PRPF4: variants seen among roughly 807,000 people sequenced by gnomAD.
The protein encoded by PRPF4 is pre-mRNA splicing tri-snRNP complex factor PRPF4, also known as U4/U6 small nuclear ribonucleoprotein Prp4.
A neutral mutation model predicts 72.2 loss-of-function variants in PRPF4; 14 were observed. That is an observed-to-expected ratio of 0.19 (90% confidence interval 0.13 to 0.30). PRPF4 has a LOEUF of 0.30. Ranked by LOEUF, PRPF4 falls within the 10% of genes least tolerant of loss-of-function variation. The pLI is 1.00. For synonymous variants in PRPF4, 225 were observed against 232.2 expected (o/e 0.97, Z 0.28); for missense variants, 478 against 653.9 (o/e 0.73, Z 2.93).
In PRPF4 at chr9:113,290,473, C is replaced by T. The variant is rs1832574801; in HGVS notation, c.1030C>T (p.Arg344Cys). Residue 344 changes from arginine to cysteine, a missense_variant, in exon 11 of 14, where the codon CGT (arginine) becomes TGT (cysteine). Physicochemically the swap from Arg to Cys is radical, Grantham distance 180. Coordinates refer to ENST00000374198, the MANE Select transcript of PRPF4 (RefSeq NM_001244926.2). ...GRFLGTTCYD[R>C]SWRLWDLEAQ... ...AGTGTGATTTGGTTTTAGCTATGACCGTTCATGGCGCTTATGGGATTTGGA... is the reference window on the plus strand; with the variant it reads ...AGTGTGATTTGGTTTTAGCTATGACTGTTCATGGCGCTTATGGGATTTGGA... 4 of 1,614,072 alleles carry T rather than the reference C, an allele frequency of 2.5e-6. No homozygotes were observed. Among genetic ancestry groups the T allele is most frequent in the South Asian group, 1.1e-5 (1 of 91,066 alleles).
At chr9:113,284,850 T>C (rs561094192) in intron 7 of PRPF4, among the ~76,000 whole-genome samples, 7 of 152,344 alleles carry the variant, frequency 4.6e-5, no homozygotes, top group Non-Finnish European at 7.3e-5. Flanking sequence ...TAAACGTTAA[T>C]TATTGGTTTA....
Position 113,286,844 on chromosome 9 carries a change from C to T in PRPF4, c.932+16C>T. On this transcript the variant is annotated intron_variant, in intron 9 of 13. Coordinates refer to ENST00000374198, the MANE Select transcript of PRPF4 (RefSeq NM_001244926.2). ...GTCTCGACAGGTGAATATCACTGTT[C>T]TGTGGCCCATACTGCCATCACTAAA... The T allele has an allele frequency of 1.2e-6, 2 of 1,614,036 alleles. No homozygotes were observed. Among genetic ancestry groups the T allele is most frequent in the East Asian group, 2.2e-5 (1 of 44,876 alleles).
chr9:113,279,175 A>G lies in PRPF4; in HGVS notation c.392+44A>G, dbSNP rs377589303. On this transcript the variant is annotated intron_variant, in intron 3 of 13. Coordinates refer to ENST00000374198, the MANE Select transcript of PRPF4 (RefSeq NM_001244926.2). ...TACTTTTTTTCTTTATTATAATCAC[A>G]GGGTTCTACTCCAAATTTTGGTTGA... 17 of 1,546,256 alleles carry G rather than the reference A, an allele frequency of 1.1e-5. No homozygotes were observed. The African/African-American group carries it at 2.0e-4, about 18-fold the overall frequency.
intron 4 of PRPF4, 107 bp from the exon 5 acceptor site, chr9:113,283,025 C>A (rs1832327609): frequency 1.3e-6 from 2 of 1,553,992 alleles, no homozygotes; most frequent in Non-Finnish European, 1.7e-6. Context: ...CATCCTATTA[C>A]CGAATGAATT....
chr9:113,291,435 C>T (rs1460510083), intron 13 of PRPF4, 32 bp from the exon 14 acceptor site: 3 of 1,565,288 alleles, frequency 1.9e-6, no homozygotes, highest in South Asian at 1.1e-5. Context: ...TACTTGAATT[C>T]CTCAAGCAAT....
intron 7 of PRPF4, among the ~76,000 whole-genome samples, chr9:113,285,562 T>G (rs918403161): frequency 1.2e-4 from 18 of 151,210 alleles, no homozygotes; most frequent in African/African-American, 4.4e-4. Flanking sequence ...GTATTTTTAG[T>G]AGAGACAGGG....
At chr9:113,282,068 A>G (rs1264600021) in intron 3 of PRPF4, among the ~76,000 whole-genome samples, 3 of 152,156 alleles carry the variant, frequency 2.0e-5, no homozygotes, top group African/African-American at 7.2e-5. Flanking sequence ...ATTGACTCTA[A>G]ACTGTATAGA....
chr9:113,282,805 T>C, intron 4 of PRPF4, 72 bp downstream of exon 4: 1 of 1,307,802 alleles, frequency 7.6e-7, no homozygotes, highest in Non-Finnish European at 1.1e-6. Context: ...TTTTCTGCTT[T>C]CAATGGTTTG....
chr9:113,275,953 A>G (rs1444658500), intron 1 of PRPF4, among the ~76,000 whole-genome samples, 183 bp downstream of exon 1: 1 of 152,180 alleles, frequency 6.6e-6, no homozygotes, highest in East Asian at 1.9e-4. Flanking sequence ...GCTTTCGTGG[A>G]CTGTAGCTTA....
chr9:113,284,530 T>C (rs1476486079), intron 7 of PRPF4, 141 bp downstream of exon 7: 3 of 702,604 alleles, frequency 4.3e-6, no homozygotes, highest in Non-Finnish European at 7.3e-6. Context: ...TGTCAGTCAG[T>C]GCTCTACCTG....
rs41296057 is a variant in PRPF4 at position 113,283,400 on chromosome 9, G to A, written c.572G>A (p.Arg191His). 6 of 1,614,128 alleles carry A rather than the reference G, an allele frequency of 3.7e-6. No homozygotes were observed. The Admixed American group carries it at 5.0e-5, about 13-fold the overall frequency. Residue 191 changes from arginine to histidine, a missense_variant, in exon 6 of 14, where the codon CGC (arginine) becomes CAC (histidine). By Grantham distance (29) the Arg-to-His change is conservative. Transcript: ENST00000374198. ...TTTCTGTGTCGCAGGGCAATGAAACGCTTGGAAGAGGCCCGACTCCATAAG... is the reference window on the plus strand; with the variant it reads ...TTTCTGTGTCGCAGGGCAATGAAACACTTGGAAGAGGCCCGACTCCATAAG... ...ANYSLPRAMKRLEEARLHKEI... is the reference protein window; with the variant it reads ...ANYSLPRAMKHLEEARLHKEI...
chr9:113,280,502 C>T (rs1832246537), intron 3 of PRPF4, among the ~76,000 whole-genome samples: 1 of 152,206 alleles, frequency 6.6e-6, no homozygotes, highest in Non-Finnish European at 1.5e-5. Context: ...GCCTAGCCTC[C>T]TTTATAATCC....
rs1447563634 is a variant in PRPF4, at chr9:113,283,155, A to C, written c.504A>C (p.Glu168Asp). ...KEEYQQTWYH[E>D]GPNSLKVARL... is the part of the protein sequence containing the mutation. ...AGTATCAGCAAACCTGGTATCATGA[A>C]GGACCAAATAGCTTGAAGGTGGCAA... The change falls in exon 5 of 14, where the codon GAA (glutamate) becomes GAC (aspartate). Residue 168 changes from glutamate to aspartate, a missense_variant. Physicochemically the swap from Glu to Asp is conservative, Grantham distance 45 (BLOSUM62 2). Transcript: ENST00000374198. The C allele has an allele frequency of 1.9e-6, 3 of 1,614,212 alleles. No individual in the cohort carries two copies. Among genetic ancestry groups the C allele is most frequent in the African/African-American group, 1.3e-5 (1 of 75,050 alleles).
At chr9:113,286,417 T>A in intron 8 of PRPF4, 127 bp downstream of exon 8, 1 of 1,015,938 alleles carries the variant, frequency 9.8e-7, no homozygotes, top group Non-Finnish European at 1.5e-6. Context: ...GACTTGGTTT[T>A]CTCTGGCTGC....
chr9:113,280,057 A>T (rs1018161175), intron 3 of PRPF4, among the ~76,000 whole-genome samples: 2 of 152,004 alleles, frequency 1.3e-5, no homozygotes, highest in Non-Finnish European at 2.9e-5. Context: ...TTTACTCTTC[A>T]ACCTGCTGCA....
rs750373995 is a variant in PRPF4, at chr9:113,290,688, T to C, written c.1146-12T>C. On this transcript the variant is annotated splice_polypyrimidine_tract_variant and intron_variant, in intron 11 of 13. Coordinates refer to ENST00000374198, the MANE Select transcript of PRPF4 (RefSeq NM_001244926.2). ...TGGATTCAAAGTGTTCATTTCTAAA[T>C]TATTTTCTCAGGGGACTGGATGCAT... 1.9e-6 allele frequency: 3 copies of C among 1,614,158 alleles called. No individual in the cohort carries two copies. The highest frequency in any genetic ancestry group is 3.3e-5 in the Admixed American group (2 of 60,020).
chr9:113,285,669 C>T (rs1052686468), intron 7 of PRPF4, among the ~76,000 whole-genome samples: 8 of 151,580 alleles, frequency 5.3e-5, no homozygotes, highest in East Asian at 3.9e-4. Flanking sequence ...TGAGCCACAG[C>T]GCCTGGCCCA....
rs542150813 is a variant in PRPF4 at position 113,276,423 on chromosome 9, C to T, written c.28-125C>T. The T allele has an allele frequency of 1.2e-4, 121 of 1,043,474 alleles. No individual in the cohort carries two copies. In the East Asian group the frequency reaches 3.0e-3, roughly 26 times the overall value. 64.6% of individuals were successfully genotyped at this position (1,043,474 alleles called of 1,614,324 possible). On this transcript the variant is annotated intron_variant, in intron 1 of 13. Transcript: ENST00000374198. Reference sequence around the variant, plus strand: ...AATGAAGAGCGTCTTAAGTAGTGTCCAATTTGTCCTTTCAATTACAGAGGA... The same window carrying T: ...AATGAAGAGCGTCTTAAGTAGTGTCTAATTTGTCCTTTCAATTACAGAGGA...
Position 113,283,123 on chromosome 9 carries a change from G to C in PRPF4, c.481-9G>C. The C allele has an allele frequency of 6.2e-7, 1 of 1,614,160 alleles. No homozygotes were observed. Among genetic ancestry groups the C allele is most frequent in the Non-Finnish European group, 8.5e-7 (1 of 1,180,030 alleles). ...GATTTGACCTTTCTGCTCTTAATTT[G>C]CCTTTCAGTATCAGCAAACCTGGTA... On this transcript the variant is annotated splice_polypyrimidine_tract_variant and intron_variant, in intron 4 of 13. Transcript: ENST00000374198.
Sources: allele counts gnomAD v4.1 joint callset (sites outside exome capture counted in the v4.1 genomes callset), GRCh38; gene constraint gnomAD v4.1.1; transcripts MANE v1.5; gene names NCBI Gene and HGNC (gene_info 2026-07-23, HGNC 2026-07-21).